The following ZFYVE26 variants were observed in gnomAD, a reference collection of about 807,000 sequenced individuals.
ZFYVE26 encodes the protein zinc finger FYVE-type containing 26.
In ZFYVE26, 181 loss-of-function variants were observed where a neutral mutation model predicts 276.5. The observed-to-expected ratio is 0.65, with a 90% CI of 0.58 to 0.74. The LOEUF (loss-of-function observed/expected upper bound fraction) is 0.74. ZFYVE26 is among the 30% of genes least tolerant of loss of function. The pLI, the probability that ZFYVE26 is intolerant of heterozygous loss-of-function variation, is 0.00. For missense variants in ZFYVE26, 2,821 were observed against 3,097.9 expected (o/e 0.91, Z 2.12); for synonymous variants, 1,129 against 1,203.1 (o/e 0.94, Z 1.27).
At position 67,802,123 on chromosome 14, in the gene ZFYVE26, A is replaced by G. The variant is rs770180207; in HGVS notation, c.1595T>C (p.Leu532Pro). Residue 532 changes from leucine to proline, a missense_variant, in exon 10 of 42, where the codon CTG (leucine) becomes CCG (proline). Coordinates refer to ENST00000347230, the MANE Select transcript of ZFYVE26 (RefSeq NM_015346.4). ...ATTCGCTGGCTCTGTAGCTGAGGCCAGGTCCTCAGAGAGGCTGTCTTTGCA... is the reference window on the plus strand; with the variant it reads ...ATTCGCTGGCTCTGTAGCTGAGGCCGGGTCCTCAGAGAGGCTGTCTTTGCA... ...QDCKDSLSED[L>P]ASATEPANDS... 1.2e-6 allele frequency: 2 copies of G among 1,613,886 alleles called. No homozygotes were observed. Among genetic ancestry groups the G allele is most frequent in the Non-Finnish European group, 1.7e-6 (2 of 1,180,038 alleles).
At position 67,807,511 on chromosome 14, in the gene ZFYVE26, C is replaced by A; in HGVS notation, c.773G>T (p.Arg258Leu). ...CTTGTGCAGCAGGCAGCTGAGCAGC[C>A]GCTCCTCCCGCAGGGGACTCCCCTC... The part of the protein sequence containing the change: ...RTEGSPLREE[R>L]LLSCLLHKAS... The change falls in exon 5 of 42, where the codon CGG (arginine) becomes CTG (leucine). Residue 258 changes from arginine to leucine, a missense_variant. By Grantham distance (102) the Arg-to-Leu change is moderately radical. Transcript: ENST00000347230. 6 of 1,614,156 alleles carry A rather than the reference C, an allele frequency of 3.7e-6. No individual in the cohort carries two copies. Among genetic ancestry groups the A allele is most frequent in the Non-Finnish European group, 4.2e-6 (5 of 1,180,022 alleles).
At chr14:67,789,280 T>TAA (rs1215059495) in intron 16 of ZFYVE26, 55 bp downstream of exon 16, 3 of 1,610,536 alleles carry the variant, frequency 1.9e-6, no homozygotes, top group Admixed American at 1.7e-5. Context: ...ATCAAGACTC[T>TAA]CAGAAACCCA....
Position 67,798,396 on chromosome 14 carries a change from G to A in ZFYVE26, c.1866C>T (p.His622=), listed in dbSNP as rs1283832558. 3.2e-5 allele frequency: 51 copies of A among 1,612,894 alleles called. No individual in the cohort carries two copies. Among genetic ancestry groups the A allele is most frequent in the Non-Finnish European group, 4.3e-5 (51 of 1,179,128 alleles). The change falls in exon 11 of 42, where the codon CAC becomes CAT. Residue 622 remains histidine (H), a synonymous_variant. Coordinates refer to ENST00000347230, the MANE Select transcript of ZFYVE26 (RefSeq NM_015346.4). ...GLRSPSESPQ[H]IAHPERKSER... The stretch of plus-strand genomic sequence containing the variant: ...CTGACTTCCTTTCAGGATGTGCTAT[G>A]TGCTGAGGGCTCTCTGATGGGGACC...
intron 36 of ZFYVE26, among the ~76,000 whole-genome samples, 172 bp from the exon 37 acceptor site, chr14:67,755,422 T>C (rs1047364532): frequency 4.6e-5 from 7 of 152,198 alleles, no homozygotes; most frequent in African/African-American, 1.7e-4. Context: ...CAAGAGATCC[T>C]GAAGTGCACT....
intron 13 of ZFYVE26, among the ~76,000 whole-genome samples, chr14:67,737,060 G>T (rs899741217): frequency 6.6e-6 from 1 of 150,760 alleles, no homozygotes; most frequent in African/African-American, 2.4e-5. Context: ...GCATCTGGGA[G>T]AATAAGTGCT....
At chr14:67,738,207 C>T (rs1184881883) in intron 13 of ZFYVE26, among the ~76,000 whole-genome samples, 2 of 151,618 alleles carry the variant, frequency 1.3e-5, no homozygotes, top group Non-Finnish European at 2.9e-5. Flanking sequence ...TAACATTAGC[C>T]TATGTATGTA....
chr14:67,794,350 G>A, intron 12 of ZFYVE26, 111 bp from the exon 13 acceptor site: 1 of 1,036,598 alleles, frequency 9.6e-7, no homozygotes, highest in Non-Finnish European at 1.5e-6. Context: ...AGAGGATAAT[G>A]AATAACTATG....
intron 22 of ZFYVE26, 99 bp from the exon 23 acceptor site, chr14:67,780,444 T>G: frequency 1.9e-6 from 2 of 1,079,280 alleles, no homozygotes; most frequent in Non-Finnish European, 2.8e-6. Context: ...CCTAGATCTC[T>G]GCCCCAAAGT....
At chr14:67,765,586 C>T (rs190017675) in intron 32 of ZFYVE26, among the ~76,000 whole-genome samples, 60 of 152,298 alleles carry the variant, frequency 3.9e-4, no homozygotes, top group African/African-American at 1.3e-3. Context: ...AACACACAAT[C>T]TGAGTCACAC....
At chr14:67,814,211 G>C in intron 2 of ZFYVE26, 147 bp from the exon 3 acceptor site, 1 of 720,604 alleles carries the variant, frequency 1.4e-6, no homozygotes, top group Non-Finnish European at 2.5e-6. Context: ...AAATGTATAT[G>C]ACAGTTCAGT....
At chr14:67,751,222 T>C (rs913611555) in intron 40 of ZFYVE26, 126 bp from the exon 41 acceptor site, 9 of 1,048,330 alleles carry the variant, frequency 8.6e-6, no homozygotes, top group African/African-American at 6.2e-5. Flanking sequence ...ACTTTTTTTT[T>C]CTCAAAGACA....
At chr14:67,759,088 A>T (rs1289900630) in intron 35 of ZFYVE26, among the ~76,000 whole-genome samples, 1 of 151,200 alleles carries the variant, frequency 6.6e-6, no homozygotes, top group East Asian at 2.0e-4. Context: ...AAAAAAAAAT[A>T]GAAAAAATTA....
chr14:67,766,328 C>T lies in ZFYVE26; in HGVS notation c.5910G>A (p.Val1970=). The change falls in exon 32 of 42, where the codon GTG becomes GTA. Residue 1970 remains valine, a synonymous_variant. Transcript: ENST00000347230. The part of the protein sequence containing the change: ...RLSKGLTNPE[V]DAGLLTDIMK... ...TGATGTCCGTGAGCAGCCCGGCATC[C>T]ACCTCTGGGTTGGTGAGGCCCTTGG... The T allele has an allele frequency of 6.2e-7, 1 of 1,613,472 alleles. No homozygotes were observed. The highest frequency in any genetic ancestry group is 1.1e-5 in the South Asian group (1 of 91,042).
At chr14:67,751,230 A>T in intron 40 of ZFYVE26, 134 bp from the exon 41 acceptor site, 1 of 922,268 alleles carries the variant, frequency 1.1e-6, no homozygotes, top group South Asian at 1.4e-5. Flanking sequence ...TTTCTCAAAG[A>T]CATGGGGTCT....
At chr14:67,741,647 T>C (rs1314709040), downstream of ZFYVE26, among the ~76,000 whole-genome samples, 1 of 152,208 alleles carries the variant, frequency 6.6e-6, no homozygotes, top group Non-Finnish European at 1.5e-5. Flanking sequence ...GAAAGTGTGA[T>C]TAAACAGTAA....
rs1048754592 is a variant in ZFYVE26, at chr14:67,729,360, CCT to C, written n.3137_3138del. On this transcript the variant is annotated non_coding_transcript_exon_variant, in exon 14 of 15. Transcript: ENST00000394455. ...GCGCCCTGGCTGAGGGCCTGGAGCC[CCT>C]GAGTGGCAAGTACTTCAGGTGTGTG... 5 of 1,597,784 alleles carry C rather than the reference CCT, an allele frequency of 3.1e-6. No individual in the cohort carries two copies. The highest frequency in any genetic ancestry group is 4.2e-6 in the Non-Finnish European group (5 of 1,179,800).
intron 10 of ZFYVE26, chr14:67,799,361 G>T: frequency 6.2e-7 from 1 of 1,611,506 alleles, no homozygotes; most frequent in Middle Eastern, 1.7e-4. Context: ...TAAGGCCTTT[G>T]TCAAAGAATC....
At position 67,767,770 on chromosome 14, in the gene ZFYVE26, C is replaced by T. The variant is rs2039096499; in HGVS notation, c.5724G>A (p.Val1908=). The change falls in exon 31 of 42, where the codon GTG becomes GTA. Residue 1908 remains valine (V), a synonymous_variant. Transcript: ENST00000347230. The stretch of plus-strand genomic sequence containing the variant: ...CCTCTTTGAGATCCAAAATCCATTC[C>T]ACCTCATCTGCTTTGGGGACTCTCA... ...FVVRVPKADE[V]EWILDLKEEE... 6.2e-7 allele frequency: 1 copy of T among 1,614,164 alleles called. No homozygotes were observed.
At chr14:67,731,190 A>T in intron 13 of ZFYVE26, among the ~76,000 whole-genome samples, 1 of 145,448 alleles carries the variant, frequency 6.9e-6, no homozygotes, top group African/African-American at 2.5e-5. Flanking sequence ...TGTGTTTCTC[A>T]TCATATTTCT....
Sources: gnomAD v4.1 joint callset for allele counts (sites outside exome capture counted in the v4.1 genomes callset) on GRCh38, gnomAD v4.1.1 for gene constraint, MANE v1.5 for transcripts, NCBI Gene and HGNC (gene_info 2026-07-23, HGNC 2026-07-21) for gene names.